The following CHN2 variants were observed in gnomAD, a reference collection of about 807,000 sequenced individuals.
CHN2 encodes the protein beta-chimaerin.
In CHN2, 35 loss-of-function variants were observed where a neutral mutation model predicts 56.3. The observed-to-expected ratio is 0.62, with a 90% CI of 0.47 to 0.82. CHN2 has a LOEUF of 0.82. Among genes scored for constraint, CHN2 ranks in the 40% least tolerant of loss-of-function variants. The pLI, the probability that CHN2 is intolerant of heterozygous loss-of-function variation, is 0.00. For missense variants in CHN2, 491 were observed against 580.5 expected (o/e 0.85, Z 1.58); for synonymous variants, 210 against 212.8 (o/e 0.99, Z 0.12).
At chr7:29,246,984 A>G (rs1413689127) in intron 1 of CHN2, among the ~76,000 whole-genome samples, 1 of 152,106 alleles carries the variant, frequency 6.6e-6, no homozygotes, top group Non-Finnish European at 1.5e-5. Flanking sequence ...GTAGAGTGGC[A>G]TGTATCATGT....
At chr7:29,263,940 C>A (rs1239565737) in intron 1 of CHN2, among the ~76,000 whole-genome samples, 1 of 148,702 alleles carries the variant, frequency 6.7e-6, no homozygotes, top group East Asian at 2.0e-4. Flanking sequence ...GGGGGCAGCC[C>A]CCGCCCGGCC....
intron 5 of CHN2, among the ~76,000 whole-genome samples, chr7:29,399,079 C>T (rs1013531984): frequency 1.3e-5 from 2 of 152,194 alleles, no homozygotes; most frequent in African/African-American, 4.8e-5. Context: ...GAAGCACCAG[C>T]AGTATATCAG....
chr7:29,326,757 G>A (rs1167256043), intron 1 of CHN2, among the ~76,000 whole-genome samples: 1 of 152,162 alleles, frequency 6.6e-6, no homozygotes, highest in East Asian at 1.9e-4. Flanking sequence ...CTCCTTGAGA[G>A]CAGGGATCAG....
intron 1 of CHN2, among the ~76,000 whole-genome samples, chr7:29,344,033 C>T (rs1032302458): frequency 1.3e-5 from 2 of 152,210 alleles, no homozygotes; most frequent in African/African-American, 4.8e-5. Flanking sequence ...AAAAACCATT[C>T]ATCTTCCTCT....
intron 1 of CHN2, among the ~76,000 whole-genome samples, chr7:29,204,065 CTCTGTGTGTGTGTGTGTGTGTGTG>C (rs1168821241): frequency 1.5e-5 from 2 of 135,916 alleles, no homozygotes; most frequent in Admixed American, 1.5e-4. Context: ...TTTTCTCTCT[CTCTGTGTGTGTGTGTGTGTGTGTG>C]TGTGTGTGTG....
In CHN2 at chr7:29,177,101, G is replaced by C. The variant is rs190833509; in HGVS notation, c.274+30141G>C. 9.2e-5 allele frequency among the ~76,000 whole-genome samples: 14 copies of C among 152,226 alleles called. No individual in the cohort carries two copies. In the East Asian group the frequency reaches 2.7e-3, roughly 29 times the overall value. ...TAAGATAAAATATTTTTAGTTTAGT[G>C]AACATTGTCTTCTAGCACAGAGACA... On this transcript the variant is annotated intron_variant, in intron 2 of 6. Transcript: ENST00000439384.
chr7:29,431,910 G>A (rs1446562183), intron 6 of CHN2, among the ~76,000 whole-genome samples: 2 of 152,200 alleles, frequency 1.3e-5, no homozygotes, highest in Non-Finnish European at 2.9e-5. Context: ...TCAGTTAGGT[G>A]GAAATGCTAT....
chr7:29,511,212 A>G (rs889740563), intron 12 of CHN2, among the ~76,000 whole-genome samples: 9 of 4,632 alleles, frequency 1.9e-3, no homozygotes, highest in Non-Finnish European at 3.9e-3. Context: ...AAGACATACA[A>G]GAAGACATAC....
intron 1 of CHN2, among the ~76,000 whole-genome samples, chr7:29,293,857 A>ATT (rs70980522): frequency 0.045 from 3,527 of 78,490 alleles, 690 homozygotes; most frequent in African/African-American, 0.1. Context: ...GAGGCTGGGA[A>ATT]TTTTTTTTTT....
chr7:29,338,577 G>A (rs576489943), intron 1 of CHN2, among the ~76,000 whole-genome samples: 2 of 152,188 alleles, frequency 1.3e-5, no homozygotes, highest in South Asian at 4.1e-4. Flanking sequence ...CTGGTTGTGA[G>A]TTTTTTGTTT....
chr7:29,301,546 C>T lies in CHN2; in HGVS notation c.50-53079C>T, dbSNP rs1277947743. ...TCTTATCCTTTTCTGAAGGGAGAAC[C>T]TGCTACATTGTAGAGAGTTGGAGAT... On this transcript the variant is annotated intron_variant, in intron 1 of 12. Transcript: ENST00000222792. Among the ~76,000 whole-genome samples the T allele has an allele frequency of 2.0e-5, 3 of 152,168 alleles. No homozygotes were observed. In the East Asian group the frequency reaches 5.8e-4, roughly 29 times the overall value.
intron 1 of CHN2, among the ~76,000 whole-genome samples, chr7:29,249,272 C>T (rs182499226): frequency 8.6e-4 from 131 of 152,266 alleles, no homozygotes; most frequent in Non-Finnish European, 1.4e-3. Flanking sequence ...TGAGAACCGG[C>T]GGGGCTGCTG....
intron 1 of CHN2, among the ~76,000 whole-genome samples, chr7:29,316,637 A>G (rs1794971103): frequency 6.6e-6 from 1 of 152,226 alleles, no homozygotes; most frequent in Admixed American, 6.5e-5. Flanking sequence ...ACTAAAAGCC[A>G]GTTTTCAGGT....
chr7:29,404,771 C>T (rs564008906), intron 6 of CHN2, among the ~76,000 whole-genome samples: 12 of 152,204 alleles, frequency 7.9e-5, no homozygotes, highest in African/African-American at 2.4e-4. Context: ...CACTTTATTG[C>T]CCAGGCTGGT....
chr7:29,484,547 A>C (rs1358673152), intron 7 of CHN2, among the ~76,000 whole-genome samples: 1 of 152,144 alleles, frequency 6.6e-6, no homozygotes, highest in East Asian at 1.9e-4. Context: ...CTCCATCTTC[A>C]TATAGCCTTC....
intron 2 of CHN2, among the ~76,000 whole-genome samples, chr7:29,359,665 C>T (rs546755026): frequency 2.6e-5 from 4 of 152,262 alleles, no homozygotes; most frequent in South Asian, 2.1e-4. Flanking sequence ...AGACTGAATA[C>T]AAGAAACATT....
At chr7:29,193,611 C>G (rs1238089821), upstream of CHN2, 1 of 152,096 alleles carries the variant, frequency 6.6e-6, no homozygotes, top group Non-Finnish European at 1.5e-5. Flanking sequence ...GAGCGTGAAA[C>G]AGACTTAAAA....
chr7:29,315,907 A>C (rs1455191711), intron 1 of CHN2, among the ~76,000 whole-genome samples: 1 of 152,236 alleles, frequency 6.6e-6, no homozygotes, highest in Admixed American at 6.5e-5. Context: ...AGGGTGGACC[A>C]TGCATAAATT....
chr7:29,350,218 A>G (rs371072329), intron 1 of CHN2, among the ~76,000 whole-genome samples: 6 of 152,108 alleles, frequency 3.9e-5, no homozygotes, highest in East Asian at 3.8e-4. Flanking sequence ...TGAGGAAACC[A>G]CTTAATCATT....
Sources: gnomAD v4.1 joint callset for allele counts (sites outside exome capture counted in the v4.1 genomes callset) on GRCh38, gnomAD v4.1.1 for gene constraint, MANE v1.5 for transcripts, NCBI Gene and HGNC (gene_info 2026-07-23, HGNC 2026-07-21) for gene names.